The following ESRP1 variants were observed in gnomAD, a reference collection of about 807,000 sequenced individuals.
ESRP1 encodes the protein epithelial splicing regulatory protein 1, also known as RNA-binding motif protein 35A.
In ESRP1, 33 loss-of-function variants were observed where a neutral mutation model predicts 81.7. The observed-to-expected ratio is 0.40, with a 90% CI of 0.31 to 0.54. The LOEUF is 0.54. ESRP1 is among the 20% of genes least tolerant of loss of function. ESRP1 has a pLI of 0.41. For synonymous variants in ESRP1, 320 were observed against 303.3 expected, an observed-to-expected ratio of 1.06 and a Z score of -0.57; for missense variants, 672 against 833.1, an observed-to-expected ratio of 0.81 and a Z score of 2.38.
chr8:94,697,953 T>C (rs948987783), intron 15 of ESRP1, among the ~76,000 whole-genome samples: 2 of 152,118 alleles, frequency 1.3e-5, no homozygotes, highest in Non-Finnish European at 2.9e-5. Flanking sequence ...GCTTTTTTTT[T>C]GTATTTTTTA....
At chr8:94,690,141 GTTTGTTT>G (rs1268155599) in intron 13 of ESRP1, among the ~76,000 whole-genome samples, 2 of 147,368 alleles carry the variant, frequency 1.4e-5, no homozygotes, top group African/African-American at 4.9e-5. Flanking sequence ...TTTTTTGTTT[GTTTGTTT>G]TTTGTTTTTT....
At chr8:94,697,870 T>C (rs1448075360) in intron 15 of ESRP1, among the ~76,000 whole-genome samples, 18 of 152,168 alleles carry the variant, frequency 1.2e-4, no homozygotes, top group Admixed American at 1.2e-3. Flanking sequence ...CAACCTCTGC[T>C]CCTGGGTTCA....
intron 15 of ESRP1, among the ~76,000 whole-genome samples, chr8:94,704,704 C>T (rs567229601): frequency 4.2e-5 from 6 of 142,884 alleles, no homozygotes; most frequent in East Asian, 4.3e-4. Context: ...GGGGCAGCAA[C>T]GAGCTCTGAT....
chr8:94,641,215 T>G lies in ESRP1; in HGVS notation c.-104T>G. 1 of 1,182,372 alleles carries G rather than the reference T, an allele frequency of 8.5e-7. No individual in the cohort carries two copies. The highest frequency in any genetic ancestry group is 1.6e-5 in the South Asian group (1 of 61,558). The allele number at this position is 1,182,372 out of a possible 1,614,324, so 73.2% of individuals were successfully genotyped here. ...AGCAAGGAAGGGGGGTGGGCGCTCT[T>G]TCTTTTTCTCTTAGAAGAGGGTTTA... On this transcript the variant is annotated 5_prime_UTR_variant, in exon 1 of 16. Transcript: ENST00000433389.
chr8:94,663,050 A>G (rs1818832233), intron 6 of ESRP1, among the ~76,000 whole-genome samples: 1 of 152,208 alleles, frequency 6.6e-6, no homozygotes, highest in South Asian at 2.1e-4. Flanking sequence ...TGGGAATAAA[A>G]TGTAATGACT....
rs1465353345 is a variant in ESRP1 at position 94,684,558 on chromosome 8, A to G, written c.1820+6187A>G. Among the ~76,000 whole-genome samples the G allele has an allele frequency of 3.3e-5, 5 of 152,308 alleles. No homozygotes were observed. The South Asian group carries it at 6.2e-4, about 19-fold the overall frequency. On this transcript the variant is annotated intron_variant, in intron 13 of 15. Transcript: ENST00000433389. ...CTCCCAAATATGTGGTATTTGTAAC[A>G]CTAGGGATGTTAATGTTGGTAAAAT...
chr8:94,673,546 A>T (rs761105010), intron 11 of ESRP1, among the ~76,000 whole-genome samples: 25 of 152,344 alleles, frequency 1.6e-4, no homozygotes, highest in Non-Finnish European at 3.1e-4. Context: ...CCCATAAAAC[A>T]TTCGTGCTCA....
chr8:94,679,489 G>A (rs567509387), intron 13 of ESRP1, among the ~76,000 whole-genome samples: 2 of 152,320 alleles, frequency 1.3e-5, no homozygotes, highest in South Asian at 2.1e-4. Context: ...TGTTCCTACA[G>A]TGTAATTGTA....
chr8:94,644,103 G>A (rs1010802597), intron 3 of ESRP1, among the ~76,000 whole-genome samples: 1 of 152,122 alleles, frequency 6.6e-6, no homozygotes, highest in Non-Finnish European at 1.5e-5. Flanking sequence ...ATTACAGAGT[G>A]AGAGAAATAC....
At chr8:94,653,802 G>GATATAT (rs10651120) in intron 4 of ESRP1, among the ~76,000 whole-genome samples, 4 of 150,714 alleles carry the variant, frequency 2.7e-5, no homozygotes, top group Admixed American at 6.6e-5. Context: ...GTATGAAAGG[G>GATATAT]ATATATATAT....
rs765144308 is a variant in ESRP1 at position 94,646,122 on chromosome 8, G to A, written c.376-46G>A. 15 of 1,118,474 alleles carry A rather than the reference G, an allele frequency of 1.3e-5. No individual in the cohort carries two copies. The South Asian group carries it at 2.2e-4, about 17-fold the overall frequency. 69.3% of individuals were successfully genotyped at this position (1,118,474 alleles called of 1,614,324 possible). ...GGTTCCTAATTGTGAGAGAAACATT[G>A]AACCAAATTCACCTAGTTAACATTA... On this transcript the variant is annotated intron_variant, in intron 3 of 15. Transcript: ENST00000433389.
At chr8:94,703,396 C>T (rs950288308) in intron 15 of ESRP1, among the ~76,000 whole-genome samples, 3 of 151,966 alleles carry the variant, frequency 2.0e-5, no homozygotes, top group African/African-American at 7.3e-5. Context: ...ATGATCTGCC[C>T]GCCTCACCTT....
chr8:94,675,232 T>C (rs73695507), intron 12 of ESRP1, among the ~76,000 whole-genome samples: 3,102 of 152,310 alleles, frequency 0.02, 95 homozygotes, highest in African/African-American at 0.07. Flanking sequence ...TTTGAGTCTT[T>C]TTTACACAAT....
intron 13 of ESRP1, among the ~76,000 whole-genome samples, chr8:94,687,957 A>G (rs993321401): frequency 6.6e-6 from 1 of 152,146 alleles, no homozygotes; most frequent in African/African-American, 2.4e-5. Flanking sequence ...TGTGATGTCT[A>G]ACCCAGGGTC....
At chr8:94,642,430 C>G (rs1817655333) in intron 2 of ESRP1, among the ~76,000 whole-genome samples, 1 of 152,244 alleles carries the variant, frequency 6.6e-6, no homozygotes, top group South Asian at 2.1e-4. Flanking sequence ...CCAGACGCGC[C>G]GCTCCCCTGC....
In ESRP1 at chr8:94,671,606, G is replaced by C; in HGVS notation, c.1387G>C (p.Asp463His). Residue 463 changes from aspartate (D) to histidine (H), a missense_variant, in exon 11 of 16, where the codon GAT becomes CAT. Coordinates refer to ENST00000433389, the MANE Select transcript of ESRP1 (RefSeq NM_017697.4). ...PYAATIEDIL[D>H]FLGEFATDIR... ...TGCAGCCACAATTGAGGACATCCTG[G>C]ATTTCCTGGGGGAGTTCGCCACAGA... The C allele has an allele frequency of 6.2e-7, 1 of 1,613,896 alleles. No individual in the cohort carries two copies. Among genetic ancestry groups the C allele is most frequent in the Non-Finnish European group, 8.5e-7 (1 of 1,179,884 alleles).
intron 11 of ESRP1, among the ~76,000 whole-genome samples, chr8:94,672,362 TCTAA>T (rs1281315173): frequency 6.6e-6 from 1 of 152,164 alleles, no homozygotes; most frequent in Non-Finnish European, 1.5e-5. Flanking sequence ...TGTATAAAAA[TCTAA>T]CTGAATTCTT....
intron 6 of ESRP1, among the ~76,000 whole-genome samples, chr8:94,662,891 G>C (rs1469480262): frequency 1.3e-5 from 2 of 152,214 alleles, no homozygotes; most frequent in Admixed American, 1.3e-4. Context: ...ACAGGCGTGA[G>C]CCACCTCGCC....
At position 94,641,369 on chromosome 8, in the gene ESRP1, G is replaced by A. The variant is rs1215207861; in HGVS notation, c.51G>A (p.Gly17=). 1.2e-6 allele frequency: 2 copies of A among 1,613,950 alleles called. No individual in the cohort carries two copies. Among genetic ancestry groups the A allele is most frequent in the South Asian group, 2.2e-5 (2 of 91,080 alleles). The change falls in exon 1 of 16, where the codon GGG becomes GGA. Residue 17 remains glycine (G), a synonymous_variant. Transcript: ENST00000433389. ...TGGTGCTTTTTGGGATCACTGCTGGGGCCACCGGGGCCAAGCTAGGCTCGG... is the reference window on the plus strand; with the variant it reads ...TGGTGCTTTTTGGGATCACTGCTGGAGCCACCGGGGCCAAGCTAGGCTCGG... The part of the protein sequence containing the change: ...YLVVLFGITA[G]ATGAKLGSDE...
Sources: gnomAD v4.1 joint callset for allele counts (sites outside exome capture counted in the v4.1 genomes callset) on GRCh38, gnomAD v4.1.1 for gene constraint, MANE v1.5 for transcripts, NCBI Gene and HGNC (gene_info 2026-07-23, HGNC 2026-07-21) for gene names.